The following USP37 variants were observed in gnomAD, a reference collection of about 807,000 sequenced individuals.
USP37 encodes the protein ubiquitin specific peptidase 37, also known as ubiquitin carboxyl-terminal hydrolase 37.
Under a neutral mutation model 124.0 loss-of-function variants are expected in USP37, and 27 were observed. That is an observed-to-expected ratio of 0.22 (90% CI 0.16 to 0.30). USP37 has a LOEUF of 0.30. Among genes scored for constraint, USP37 ranks in the 10% least tolerant of loss-of-function variants. The pLI is 1.00. For synonymous variants in USP37, 365 were observed against 388.0 expected, an observed-to-expected ratio of 0.94 and a Z score of 0.70; for missense variants, 889 against 1,140.4, an observed-to-expected ratio of 0.78 and a Z score of 3.17.
intron 11 of USP37, 63 bp downstream of exon 11, chr2:218,509,916 C>T (rs998303539): frequency 7.1e-7 from 1 of 1,410,524 alleles, no homozygotes; most frequent in African/African-American, 1.4e-5. Context: ...ACATTTTACA[C>T]CAAAGCACAC....
At chr2:218,524,054 C>A (rs1184487937) in intron 10 of USP37, among the ~76,000 whole-genome samples, 1 of 152,168 alleles carries the variant, frequency 6.6e-6, no homozygotes, top group Non-Finnish European at 1.5e-5. Flanking sequence ...TTTTAAAAAT[C>A]TACCACAATC....
intron 8 of USP37, among the ~76,000 whole-genome samples, chr2:218,545,095 A>G (rs549674138): frequency 6.6e-6 from 1 of 152,332 alleles, no homozygotes; most frequent in South Asian, 2.1e-4. Flanking sequence ...TGTATGGAAG[A>G]ATAGTGAACT....
intron 8 of USP37, among the ~76,000 whole-genome samples, chr2:218,536,105 C>T (rs1208273007): frequency 6.7e-6 from 1 of 150,084 alleles, no homozygotes; most frequent in Non-Finnish European, 1.5e-5. Context: ...ATTTGCTAAG[C>T]AGCAACAGCA....
intron 7 of USP37, among the ~76,000 whole-genome samples, chr2:218,546,687 G>A (rs1289096681): frequency 1.3e-5 from 2 of 152,096 alleles, no homozygotes; most frequent in African/African-American, 4.8e-5. Flanking sequence ...CCAAAGTGTT[G>A]GGATTACAGG....
At chr2:218,564,445 C>T (rs1456527036) in intron 1 of USP37, among the ~76,000 whole-genome samples, 1 of 152,122 alleles carries the variant, frequency 6.6e-6, no homozygotes, top group Non-Finnish European at 1.5e-5. Context: ...TGTCTAATGC[C>T]AGAACCTACA....
At chr2:218,524,747 C>A (rs770745118) in intron 10 of USP37, among the ~76,000 whole-genome samples, 1 of 152,166 alleles carries the variant, frequency 6.6e-6, no homozygotes, top group African/African-American at 2.4e-5. Flanking sequence ...GTAGCTGGGA[C>A]TACAGGCACG....
chr2:218,459,450 C>G (rs1689885740), intron 23 of USP37, among the ~76,000 whole-genome samples: 1 of 152,220 alleles, frequency 6.6e-6, no homozygotes, highest in Non-Finnish European at 1.5e-5. Context: ...GGTGATCCAC[C>G]TGCCCCAGCC....
chr2:218,562,950 G>C (rs1315444885), intron 1 of USP37, 137 bp from the exon 2 acceptor site: 2 of 371,504 alleles, frequency 5.4e-6, no homozygotes, highest in African/African-American at 2.1e-5. Context: ...GATAACCTGA[G>C]GTCAGGAGTT....
rs553556515 is a variant in USP37, at chr2:218,527,077, C to T, written c.863+2879G>A. Among the ~76,000 whole-genome samples the T allele has an allele frequency of 6.6e-5, 10 of 152,290 alleles. 1 individual carries two copies. The South Asian group carries it at 8.3e-4, about 13-fold the overall frequency. On this transcript the variant is annotated intron_variant, in intron 10 of 25. Transcript: ENST00000258399. ...TGCTGGGACCACAGGCGTGAGCCAC[C>T]GCGCCCGGCCTGCTTTTATCATCTC...
intron 1 of USP37, among the ~76,000 whole-genome samples, chr2:218,566,323 G>A (rs559153738): frequency 1.3e-5 from 2 of 152,330 alleles, no homozygotes; most frequent in Admixed American, 1.3e-4. Context: ...ACAGTTTAGT[G>A]AAGGAGAGGA....
chr2:218,463,002 T>A (rs1461277855), intron 22 of USP37, among the ~76,000 whole-genome samples: 1 of 151,942 alleles, frequency 6.6e-6, no homozygotes, highest in African/African-American at 2.4e-5. Flanking sequence ...ACCCCGTCTC[T>A]ACTGAAAATA....
chr2:218,476,762 A>T, intron 19 of USP37, 78 bp downstream of exon 19: 3 of 1,429,420 alleles, frequency 2.1e-6, no homozygotes, highest in Non-Finnish European at 2.8e-6. Context: ...TAGTTTGATG[A>T]TGGTTATGAA....
chr2:218,529,027 TATGTTC>T (rs1382923650), intron 10 of USP37, among the ~76,000 whole-genome samples: 1 of 152,122 alleles, frequency 6.6e-6, no homozygotes, highest in Non-Finnish European at 1.5e-5. Context: ...GAGATCTTAG[TATGTTC>T]ATCCACATGG....
chr2:218,507,826 G>A (rs1689760680), intron 11 of USP37, among the ~76,000 whole-genome samples: 2 of 152,018 alleles, frequency 1.3e-5, no homozygotes, highest in Admixed American at 6.6e-5. Flanking sequence ...ATGATTCTTT[G>A]AGGCTGTTAT....
At position 218,466,122 on chromosome 2, in the gene USP37, T is replaced by C. The variant is rs1315946354; in HGVS notation, c.2354A>G (p.Lys785Arg). ...TTCTCCCTGAGATCCTTCTGGAGTT[T>C]TGTTTTCTTTATTCTCATCACAGTC... ...TKDCDENKEN[K>R]TPEGSQGEVD... Residue 785 changes from lysine (K) to arginine (R), a missense_variant, in exon 21 of 26, where the codon AAA becomes AGA. Lys to Arg is a conservative substitution (Grantham distance 26, BLOSUM62 2). Coordinates refer to ENST00000258399, the MANE Select transcript of USP37 (RefSeq NM_020935.3). 6.2e-7 allele frequency: 1 copy of C among 1,613,934 alleles called. No individual in the cohort carries two copies. The highest frequency in any genetic ancestry group is 1.7e-4 in the Middle Eastern group (1 of 6,058).
chr2:218,468,749 A>G (rs1272590377), intron 20 of USP37, among the ~76,000 whole-genome samples: 10 of 152,050 alleles, frequency 6.6e-5, no homozygotes, highest in African/African-American at 2.4e-4. Context: ...GCTGGAGTAC[A>G]GTGGCACAAT....
Position 218,485,669 on chromosome 2 carries a change from A to G in USP37, c.1665T>C (p.Leu555=). The G allele has an allele frequency of 6.4e-7, 1 of 1,572,806 alleles. No homozygotes were observed. Among genetic ancestry groups the G allele is most frequent in the Non-Finnish European group, 8.6e-7 (1 of 1,162,832 alleles). Residue 555 remains leucine (L), a synonymous_variant, in exon 16 of 26, where the codon CTT becomes CTC. Coordinates refer to ENST00000258399, the MANE Select transcript of USP37 (RefSeq NM_020935.3). ...AAAAAAAAAAAAAAAATTACCTAGGAAGCCTGTTAAATTTGTGCCTGACAA... is the reference window on the plus strand; with the variant it reads ...AAAAAAAAAAAAAAAATTACCTAGGGAGCCTGTTAAATTTGTGCCTGACAA... ...CALVRHKFNR[L]PRVLILHLKR... is the part of the protein sequence containing the mutation.
intron 10 of USP37, among the ~76,000 whole-genome samples, chr2:218,525,607 T>C (rs1267611590): frequency 1.3e-5 from 2 of 152,242 alleles, no homozygotes; most frequent in African/African-American, 4.8e-5. Context: ...CCTATTCCAA[T>C]AGTGTTAATG....
chr2:218,524,299 T>C (rs894124687), intron 10 of USP37, among the ~76,000 whole-genome samples: 23 of 152,198 alleles, frequency 1.5e-4, no homozygotes, highest in African/African-American at 5.3e-4. Flanking sequence ...GGGGTCTTGC[T>C]ATCTTGCCAA....
Sources: allele counts gnomAD v4.1 joint callset (sites outside exome capture counted in the v4.1 genomes callset), GRCh38; gene constraint gnomAD v4.1.1; transcripts MANE v1.5; gene names NCBI Gene and HGNC (gene_info 2026-07-23, HGNC 2026-07-21).